The following ITPR1 variants were observed in gnomAD, a reference collection of about 807,000 sequenced individuals.
ITPR1 encodes inositol 1,4,5-trisphosphate receptor type 1.
A neutral mutation model predicts 318.4 loss-of-function variants in ITPR1; 96 were observed. That is an observed-to-expected ratio of 0.30 (90% CI 0.26 to 0.36). The LOEUF (loss-of-function observed/expected upper bound fraction) is 0.36. Ranked by LOEUF, ITPR1 falls within the 10% of genes least tolerant of loss-of-function variation. The probability of loss-of-function intolerance (pLI) is 1.00; values close to 1 mark genes in which losing one functional copy is unlikely to be tolerated. For missense variants in ITPR1, 2,440 were observed against 3,460.2 expected (o/e 0.71, Z 7.40); for synonymous variants, 1,312 against 1,289.9 (o/e 1.02, Z -0.37).
intron 32 of ITPR1, among the ~76,000 whole-genome samples, chr3:4,691,736 A>G (rs1425341485): frequency 6.6e-6 from 1 of 152,228 alleles, no homozygotes. Flanking sequence ...ATTTTGCCTG[A>G]TGCTTTTTGA....
At chr3:4,540,748 G>A (rs1388005171) in intron 4 of ITPR1, among the ~76,000 whole-genome samples, 1 of 151,994 alleles carries the variant, frequency 6.6e-6, no homozygotes, top group African/African-American at 2.4e-5. Context: ...GCTAATTTTT[G>A]TATTTTTAGT....
chr3:4,558,523 C>T (rs1408856169), intron 4 of ITPR1, among the ~76,000 whole-genome samples: 1 of 152,030 alleles, frequency 6.6e-6, no homozygotes, highest in Admixed American at 6.6e-5. Context: ...GTGAAGAGGG[C>T]TCTAATGATA....
chr3:4,543,411 T>G (rs550401751), intron 4 of ITPR1, among the ~76,000 whole-genome samples: 1 of 152,254 alleles, frequency 6.6e-6, no homozygotes, highest in East Asian at 1.9e-4. Flanking sequence ...AAGAAAACCA[T>G]TTAGGCTAGA....
intron 33 of ITPR1, among the ~76,000 whole-genome samples, chr3:4,696,490 G>T (rs1003087265): frequency 3.3e-5 from 5 of 152,078 alleles, no homozygotes; most frequent in African/African-American, 1.2e-4. Flanking sequence ...CATACACCAC[G>T]TTTTGTGTGT....
intron 61 of ITPR1, among the ~76,000 whole-genome samples, chr3:4,845,486 G>T (rs571880986): frequency 6.6e-6 from 1 of 152,302 alleles, no homozygotes; most frequent in Admixed American, 6.5e-5. Flanking sequence ...TTTTTCATTT[G>T]AACTAGTCTT....
At chr3:4,538,606 T>C (rs1221676755) in intron 4 of ITPR1, among the ~76,000 whole-genome samples, 1 of 152,170 alleles carries the variant, frequency 6.6e-6, no homozygotes, top group Non-Finnish European at 1.5e-5. Flanking sequence ...TGTATGTTCA[T>C]TGCAGCACTA....
intron 4 of ITPR1, among the ~76,000 whole-genome samples, chr3:4,534,575 G>C (rs1254977014): frequency 6.6e-6 from 1 of 152,204 alleles, no homozygotes; most frequent in Non-Finnish European, 1.5e-5. Context: ...TCCAACTTGA[G>C]CAGTTGCAAT....
chr3:4,519,701 T>C (rs551556010), intron 3 of ITPR1, among the ~76,000 whole-genome samples: 2 of 149,020 alleles, frequency 1.3e-5, no homozygotes, highest in South Asian at 4.1e-4. Context: ...TACACTGTTC[T>C]TCTTGTTTAT....
At chr3:4,592,720 G>A (rs2090488407) in intron 4 of ITPR1, among the ~76,000 whole-genome samples, 1 of 152,190 alleles carries the variant, frequency 6.6e-6, no homozygotes, top group Admixed American at 6.5e-5. Flanking sequence ...CTTTTTAGCT[G>A]TGTTAGTGGA....
At chr3:4,766,436 A>C in intron 44 of ITPR1, 94 bp from the exon 45 acceptor site, 1 of 1,025,602 alleles carries the variant, frequency 9.8e-7, no homozygotes, top group South Asian at 1.5e-5. Context: ...AGGTTTTGCA[A>C]CTGGCTCTGA....
At chr3:4,548,476 C>T (rs1308359675) in intron 4 of ITPR1, among the ~76,000 whole-genome samples, 2 of 152,132 alleles carry the variant, frequency 1.3e-5, no homozygotes, top group African/African-American at 4.8e-5. Context: ...GTCTATTTAG[C>T]AACTGTTTAA....
At chr3:4,743,877 C>G (rs565350103) in intron 44 of ITPR1, among the ~76,000 whole-genome samples, 16 of 152,336 alleles carry the variant, frequency 1.1e-4, no homozygotes, top group Admixed American at 3.3e-4. Context: ...CTATGTCACC[C>G]AAGCTGGAGT....
At chr3:4,802,849 GAGAA>G (rs928798989) in intron 54 of ITPR1, among the ~76,000 whole-genome samples, 29 of 148,744 alleles carry the variant, frequency 1.9e-4, no homozygotes, top group African/African-American at 5.1e-4. Context: ...AAGAAAGAAA[GAGAA>G]AGAAAGAAAG....
intron 4 of ITPR1, among the ~76,000 whole-genome samples, chr3:4,527,850 C>G (rs991565416): frequency 2.0e-5 from 3 of 152,158 alleles, no homozygotes; most frequent in Admixed American, 6.5e-5. Context: ...ACCATGTTAG[C>G]CCCTTTTAGT....
intron 56 of ITPR1, 71 bp from the exon 57 acceptor site, chr3:4,813,071 A>C: frequency 2.8e-6 from 3 of 1,069,648 alleles, no homozygotes; most frequent in Non-Finnish European, 4.4e-6. Flanking sequence ...TCAGCCGTGA[A>C]TTGGGGACTT....
chr3:4,632,929 C>CTTT lies in ITPR1; in HGVS notation c.279+5077_279+5079dup, dbSNP rs1156474451. On this transcript the variant is annotated intron_variant, in intron 5 of 61. Coordinates refer to ENST00000649015, the MANE Select transcript of ITPR1 (RefSeq NM_001378452.1). ...AAGATTACTGATGTGACTTTCAGGT[C>CTTT]TTTTTTTTTTTTTTTTTTTTTTTTT... Among the ~76,000 whole-genome samples the CTTT allele has an allele frequency of 6.7e-3, 440 of 66,036 alleles. 132 individuals are homozygous for CTTT. The highest frequency in any genetic ancestry group is 0.028 in the African/African-American group (405 of 14,274). The allele number at this position is 66,036 out of a possible 152,430, so 43.3% of individuals were successfully genotyped here.
chr3:4,768,488 C>CT (rs2045961861), intron 45 of ITPR1, 23 bp from the exon 46 acceptor site: 1 of 1,587,204 alleles, frequency 6.3e-7, no homozygotes, highest in South Asian at 1.1e-5. Flanking sequence ...TGCAGCCTTT[C>CT]ATGCCTTATG....
chr3:4,707,799 A>C lies in ITPR1; in HGVS notation c.4842+1448A>C, dbSNP rs541435334. 3.9e-5 allele frequency among the ~76,000 whole-genome samples: 6 copies of C among 152,300 alleles called. No homozygotes were observed. The South Asian group carries it at 1.2e-3, about 32-fold the overall frequency. On this transcript the variant is annotated intron_variant, in intron 37 of 61. Transcript: ENST00000649015. ...ACTATTATTACTGTTGTTTACTGCT[A>C]TGATTGTAATAGTTACTGAGTCTCT...
chr3:4,815,907 G>T (rs1241142812), intron 59 of ITPR1, among the ~76,000 whole-genome samples: 2 of 151,752 alleles, frequency 1.3e-5, no homozygotes, highest in African/African-American at 2.4e-5. Context: ...TTATAGAAAA[G>T]ACATGACTAT....
Sources: allele counts gnomAD v4.1 joint callset (sites outside exome capture counted in the v4.1 genomes callset), GRCh38; gene constraint gnomAD v4.1.1; transcripts MANE v1.5; gene names NCBI Gene and HGNC (gene_info 2026-07-23, HGNC 2026-07-21).